The following ARHGEF18 variants were observed in gnomAD, a reference collection of about 807,000 sequenced individuals.
ARHGEF18 encodes rho guanine nucleotide exchange factor 18.
Under a neutral mutation model 155.7 loss-of-function variants are expected in ARHGEF18, and 93 were observed. The observed-to-expected ratio is 0.60, with a 90% CI of 0.50 to 0.71. The LOEUF (loss-of-function observed/expected upper bound fraction) is 0.71, where lower values mean the gene tolerates loss of function less well. Ranked by LOEUF, ARHGEF18 falls within the 30% of genes least tolerant of loss-of-function variation. The pLI is 0.00. For missense variants in ARHGEF18, 1,593 were observed against 1,816.1 expected (o/e 0.88, Z 2.23); for synonymous variants, 742 against 753.1 (o/e 0.99, Z 0.24).
intron 8 of ARHGEF18, among the ~76,000 whole-genome samples, chr19:7,381,691 T>TAAATAATAAATA (rs533011251): frequency 0.011 from 1,588 of 146,106 alleles, 33 homozygotes; most frequent in African/African-American, 0.039. Flanking sequence ...AATAAATAAA[T>TAAATAATAAATA]AATAAATAAA....
chr19:7,397,908 A>G (rs1971815176), intron 10 of ARHGEF18, among the ~76,000 whole-genome samples: 1 of 152,044 alleles, frequency 6.6e-6, no homozygotes, highest in African/African-American at 2.4e-5. Flanking sequence ...ATAACAGTGT[A>G]TGTATTTATC....
intron 2 of ARHGEF18, among the ~76,000 whole-genome samples, chr19:7,366,258 T>C (rs538024255): frequency 6.6e-6 from 1 of 152,300 alleles, no homozygotes; most frequent in Admixed American, 6.5e-5. Flanking sequence ...GCAAGCTGAA[T>C]AATCTTTCTG....
In ARHGEF18 at chr19:7,444,199, T is replaced by G; in HGVS notation, c.1361-5T>G. The G allele has an allele frequency of 6.2e-7, 1 of 1,612,118 alleles. No individual in the cohort carries two copies. Among genetic ancestry groups the G allele is most frequent in the Non-Finnish European group, 8.5e-7 (1 of 1,179,158 alleles). ...GGCTAAGTCCTGCCGTCTGTGTCCC[T>G]GCAGAGCTGATGCAGACAGAGGTGC... is the stretch of plus-strand genomic sequence containing the variant. On this transcript the variant is annotated splice_polypyrimidine_tract_variant and splice_region_variant and intron_variant, in intron 13 of 28. Coordinates refer to ENST00000668164, the MANE Select transcript of ARHGEF18 (RefSeq NM_001367823.1). This position sits in a 1 kb window ranked among gnomAD's most constrained non-coding sequence, Gnocchi z 4.7.
chr19:7,383,695 A>G (rs1970854538), intron 10 of ARHGEF18, among the ~76,000 whole-genome samples: 1 of 152,006 alleles, frequency 6.6e-6, no homozygotes, highest in African/African-American at 2.4e-5. Flanking sequence ...GATACCAGCC[A>G]TATTGGATTA....
At chr19:7,466,839 G>GTAAGAAGAAT in intron 23 of ARHGEF18, 79 bp from the exon 24 acceptor site, 1 of 623,190 alleles carries the variant, frequency 1.6e-6, no homozygotes, top group South Asian at 2.5e-5. Context: ...TAAAAAAAAA[G>GTAAGAAGAAT]AAGAAGAAGA....
intron 15 of ARHGEF18, among the ~76,000 whole-genome samples, chr19:7,450,608 T>TCCGTTTCCGAGATGTTAACGC (rs1975342064): frequency 7.8e-3 from 1 of 128 alleles, no homozygotes; most frequent in African/African-American, 0.036. Flanking sequence ...GACATTAATA[T>TCCGTTTCCGAGATGTTAACGC]GGGATCTTGC....
In ARHGEF18 at chr19:7,406,304, C is replaced by T. The variant is rs573997369; in HGVS notation, c.967+23101C>T. ...TTCACCATGTTGGCCAGGCTGGTCT[C>T]GAACCCCTGACCTCAGGTGATCCAC... On this transcript the variant is annotated intron_variant, in intron 10 of 28. Transcript: ENST00000668164. 1.4e-3 allele frequency among the ~76,000 whole-genome samples: 216 copies of T among 152,188 alleles called. 2 individuals are homozygous for T. The highest frequency in any genetic ancestry group is 6.8e-3 in the Middle Eastern group (2 of 294).
At chr19:7,401,127 G>A (rs1351855246) in intron 10 of ARHGEF18, among the ~76,000 whole-genome samples, 1 of 152,190 alleles carries the variant, frequency 6.6e-6, no homozygotes, top group Non-Finnish European at 1.5e-5. Context: ...GATAGTGACG[G>A]ACCAGGTAGA....
intron 10 of ARHGEF18, among the ~76,000 whole-genome samples, chr19:7,387,470 GT>G (rs995863888): frequency 6.6e-6 from 1 of 151,868 alleles, no homozygotes; most frequent in African/African-American, 2.4e-5. Context: ...TGTTTTTTGA[GT>G]TTTTTTGTTT....
At chr19:7,376,901 G>A (rs369430182) in intron 5 of ARHGEF18, 144 bp downstream of exon 5, 1 of 563,342 alleles carries the variant, frequency 1.8e-6, no homozygotes, top group East Asian at 3.5e-5. Context: ...GGGAAGGGAA[G>A]GGAGCTGGCT....
intron 10 of ARHGEF18, 151 bp downstream of exon 10, chr19:7,383,354 T>TCGGTCCCTGGG (rs1970839966): frequency 1.2e-6 from 1 of 851,884 alleles, no homozygotes; most frequent in African/African-American, 1.8e-5. Context: ...GAACCAGGGA[T>TCGGTCCCTGGG]CAGTCCCTGG....
intron 7 of ARHGEF18, among the ~76,000 whole-genome samples, chr19:7,380,016 G>T (rs927370700): frequency 3.5e-4 from 50 of 143,106 alleles, no homozygotes; most frequent in African/African-American, 1.2e-3. Flanking sequence ...TTTTTTTTTT[G>T]ATTAGCTGGG....
chr19:7,385,801 T>G (rs1400275681), intron 10 of ARHGEF18, among the ~76,000 whole-genome samples: 2 of 145,736 alleles, frequency 1.4e-5, no homozygotes, highest in Non-Finnish European at 3.0e-5. Flanking sequence ...TTTTCAAAAT[T>G]TCTATTTTAG....
Position 7,351,129 on chromosome 19 carries a change from T to C in ARHGEF18, c.-111+1888T>C, listed in dbSNP as rs138394187. On this transcript the variant is annotated intron_variant, in intron 1 of 28. Transcript: ENST00000668164. The stretch of plus-strand genomic sequence containing the variant: ...TTTATGAAGTTTGGTCTGTGAGATC[T>C]TAGTGCAGTGTCTGGCACGTAATAG... 4.0e-3 allele frequency among the ~76,000 whole-genome samples: 602 copies of C among 152,186 alleles called. 17 individuals are homozygous for C. The highest frequency in any genetic ancestry group is 0.031 in the Admixed American group (479 of 15,264).
chr19:7,371,149 C>T (rs916936603), intron 2 of ARHGEF18, among the ~76,000 whole-genome samples: 43 of 151,930 alleles, frequency 2.8e-4, no homozygotes, highest in African/African-American at 1.0e-3. Context: ...TGGGCTCAAG[C>T]GATCCTCCCA....
intron 23 of ARHGEF18, among the ~76,000 whole-genome samples, chr19:7,466,540 T>A (rs372448650): frequency 6.8e-6 from 1 of 146,148 alleles, no homozygotes; most frequent in Non-Finnish European, 1.5e-5. Context: ...TGGTGGCTCA[T>A]GCCTGTAATC....
chr19:7,363,303 A>G (rs1365145253), intron 2 of ARHGEF18, among the ~76,000 whole-genome samples: 1 of 151,902 alleles, frequency 6.6e-6, no homozygotes, highest in East Asian at 1.9e-4. Context: ...GGAAGGGAGG[A>G]AAGATGGGTA....
At chr19:7,419,229 C>T (rs1239116575) in intron 10 of ARHGEF18, among the ~76,000 whole-genome samples, 5 of 149,264 alleles carry the variant, frequency 3.3e-5, no homozygotes, top group Non-Finnish European at 5.9e-5. Flanking sequence ...CACTCGGCCT[C>T]TGTACCCCGA....
intron 13 of ARHGEF18, among the ~76,000 whole-genome samples, chr19:7,443,819 G>T (rs1309257257): frequency 6.6e-6 from 1 of 151,834 alleles, no homozygotes; most frequent in African/African-American, 2.4e-5. Context: ...CAGGAGAATC[G>T]CTTGAACCCG....
Sources: gnomAD v4.1 joint callset for allele counts (sites outside exome capture counted in the v4.1 genomes callset) on GRCh38, gnomAD v4.1.1 for gene constraint, Gnocchi (gnomAD v3.1) non-coding constraint, MANE v1.5 for transcripts, NCBI Gene and HGNC (gene_info 2026-07-23, HGNC 2026-07-21) for gene names.